The following CDH12 variants were observed in gnomAD, a reference collection of about 807,000 sequenced individuals.
The protein encoded by CDH12 is cadherin-12.
In CDH12, 41 loss-of-function variants were observed where a neutral mutation model predicts 74.1. That is an observed-to-expected ratio of 0.55 (90% CI 0.43 to 0.72). The LOEUF is 0.72. CDH12 is among the 30% of genes least tolerant of loss of function. The probability of loss-of-function intolerance (pLI) is 0.00; values close to 1 mark genes in which losing one functional copy is unlikely to be tolerated. For missense variants in CDH12, 945 were observed against 977.2 expected, an observed-to-expected ratio of 0.97 and a Z score of 0.44; for synonymous variants, 399 against 355.0, an observed-to-expected ratio of 1.12 and a Z score of -1.39.
chr5:21,864,652 T>C (rs1274631631), intron 6 of CDH12, among the ~76,000 whole-genome samples: 2 of 152,142 alleles, frequency 1.3e-5, no homozygotes, highest in African/African-American at 2.4e-5. Context: ...ATTGGAGTTG[T>C]TGCTATAACA....
intron 9 of CDH12, among the ~76,000 whole-genome samples, chr5:21,807,312 C>T (rs1474295275): frequency 6.6e-6 from 1 of 152,096 alleles, no homozygotes; most frequent in Non-Finnish European, 1.5e-5. Flanking sequence ...AAAACCTTAA[C>T]CTCTGGGCCT....
intron 3 of CDH12, among the ~76,000 whole-genome samples, chr5:22,310,334 C>T (rs1738329977): frequency 6.6e-6 from 1 of 151,752 alleles, no homozygotes; most frequent in Non-Finnish European, 1.5e-5. Context: ...TGATGGCAGA[C>T]ACCTGTAATC....
At chr5:22,704,411 T>C (rs1742876057) in intron 1 of CDH12, among the ~76,000 whole-genome samples, 1 of 152,146 alleles carries the variant, frequency 6.6e-6, no homozygotes, top group Non-Finnish European at 1.5e-5. Context: ...ATCAAATTTT[T>C]TTTTAGCTAA....
At chr5:22,519,302 T>C (rs1194663754) in intron 1 of CDH12, among the ~76,000 whole-genome samples, 1 of 152,158 alleles carries the variant, frequency 6.6e-6, no homozygotes, top group Non-Finnish European at 1.5e-5. Flanking sequence ...TTATTCTCTA[T>C]AGGCCATGTC....
chr5:22,318,349 C>T (rs1011274557), intron 3 of CDH12, among the ~76,000 whole-genome samples: 1 of 152,158 alleles, frequency 6.6e-6, no homozygotes. Context: ...TTTTTGCTTC[C>T]TGCAAAGATT....
At chr5:21,883,081 C>A (rs1283264964) in intron 6 of CDH12, 2 of 1,608,242 alleles carry the variant, frequency 1.2e-6, no homozygotes, top group Non-Finnish European at 1.7e-6. Context: ...CCTGTGACCA[C>A]CCCTGAAGAA....
intron 5 of CDH12, among the ~76,000 whole-genome samples, chr5:22,010,992 C>A (rs537707550): frequency 1.3e-5 from 2 of 151,990 alleles, no homozygotes; most frequent in Admixed American, 6.6e-5. Flanking sequence ...TTGATTCATG[C>A]TTGCGTCATT....
chr5:22,117,836 A>G (rs1745264615), intron 4 of CDH12, among the ~76,000 whole-genome samples: 1 of 151,678 alleles, frequency 6.6e-6, no homozygotes, highest in East Asian at 1.9e-4. Flanking sequence ...GTAATGTTAT[A>G]ATGAGAAAAC....
chr5:22,404,508 G>C, intron 3 of CDH12, among the ~76,000 whole-genome samples: 1 of 152,034 alleles, frequency 6.6e-6, no homozygotes, highest in East Asian at 1.9e-4. Flanking sequence ...CAACATCAAA[G>C]AAGGATATTA....
At chr5:22,571,309 A>G (rs1739527930) in intron 1 of CDH12, among the ~76,000 whole-genome samples, 1 of 151,632 alleles carries the variant, frequency 6.6e-6, no homozygotes, top group East Asian at 1.9e-4. Flanking sequence ...TTCCTCACTA[A>G]GCTTAATCAT....
intron 1 of CDH12, among the ~76,000 whole-genome samples, chr5:22,786,571 G>A (rs1163294873): frequency 1.3e-5 from 2 of 152,100 alleles, no homozygotes; most frequent in African/African-American, 4.8e-5. Context: ...GGCTTTTCTG[G>A]GTAGAAACAT....
chr5:22,330,713 T>C (rs2166048), intron 3 of CDH12, among the ~76,000 whole-genome samples: 51,456 of 141,214 alleles, frequency 0.36, 9,300 homozygotes, highest in South Asian at 0.48. Flanking sequence ...ATCAGGCCAC[T>C]GCACTCCAGC....
chr5:22,355,794 T>C (rs1242912425), intron 3 of CDH12, among the ~76,000 whole-genome samples: 1 of 152,008 alleles, frequency 6.6e-6, no homozygotes, highest in Non-Finnish European at 1.5e-5. Context: ...CAAATTCCTG[T>C]ACAAATACAT....
chr5:22,211,541 G>A (rs577258088), intron 4 of CDH12, among the ~76,000 whole-genome samples: 482 of 151,866 alleles, frequency 3.2e-3, no homozygotes, highest in African/African-American at 0.011. Flanking sequence ...ATTTACATGC[G>A]CTTAGTAAGG....
chr5:22,584,368 G>T (rs1044684840), intron 1 of CDH12, among the ~76,000 whole-genome samples: 1 of 152,098 alleles, frequency 6.6e-6, no homozygotes, highest in Non-Finnish European at 1.5e-5. Context: ...CCGAAGTGCT[G>T]GGATTATAGG....
chr5:22,144,676 T>C (rs1221076377), intron 4 of CDH12, among the ~76,000 whole-genome samples: 1 of 152,100 alleles, frequency 6.6e-6, no homozygotes, highest in Non-Finnish European at 1.5e-5. Context: ...AAGAATCTTA[T>C]AAGCATTTCT....
chr5:22,749,731 T>C (rs1745468506), intron 1 of CDH12, among the ~76,000 whole-genome samples: 1 of 152,208 alleles, frequency 6.6e-6, no homozygotes, highest in African/African-American at 2.4e-5. Flanking sequence ...GCAAAATTGA[T>C]TTCTGATAGA....
At chr5:22,449,844 A>G (rs746899087) in intron 2 of CDH12, among the ~76,000 whole-genome samples, 1 of 152,028 alleles carries the variant, frequency 6.6e-6, no homozygotes, top group African/African-American at 2.4e-5. Flanking sequence ...AGAAGAGGTA[A>G]TGCTACCTGA....
intron 1 of CDH12, among the ~76,000 whole-genome samples, chr5:22,845,117 G>A (rs552032945): frequency 1.1e-3 from 173 of 152,176 alleles, no homozygotes; most frequent in African/African-American, 4.0e-3. Context: ...GAGTTGAAAA[G>A]ATAACCAATA....
Sources: gnomAD v4.1 joint callset for allele counts (sites outside exome capture counted in the v4.1 genomes callset) on GRCh38, gnomAD v4.1.1 for gene constraint, MANE v1.5 for transcripts, NCBI Gene and HGNC (gene_info 2026-07-23, HGNC 2026-07-21) for gene names.